TCTN1: variants seen among roughly 807,000 people sequenced by gnomAD.
The protein encoded by TCTN1 is tectonic-1.
Under a neutral mutation model 65.8 loss-of-function variants are expected in TCTN1, and 58 were observed. The ratio of observed to expected loss-of-function variants is 0.88; its 90% CI spans 0.71 to 1.10. The LOEUF (loss-of-function observed/expected upper bound fraction) is 1.10, where lower values mean the gene tolerates loss of function less well. Among genes scored for constraint, TCTN1 ranks in the 50% least tolerant of loss-of-function variants. The probability of loss-of-function intolerance (pLI) is 0.00; values close to 1 mark genes in which losing one functional copy is unlikely to be tolerated. For missense variants in TCTN1, 645 were observed against 719.4 expected, an observed-to-expected ratio of 0.90 and a Z score of 1.18; for synonymous variants, 273 against 289.1, an observed-to-expected ratio of 0.94 and a Z score of 0.57.
intron 4 of TCTN1, chr12:110,629,637 T>C (rs2066091560): frequency 6.6e-6 from 1 of 152,236 alleles, no homozygotes; most frequent in Non-Finnish European, 1.5e-5. Context: ...GCTTTTACAC[T>C]GTTGGGTGGG....
chr12:110,616,753 G>C (rs80175918), intron 1 of TCTN1: 1 of 152,512 alleles, frequency 6.6e-6, no homozygotes, highest in East Asian at 1.9e-4. Context: ...TTTAGGACAC[G>C]CAACTTGTAG....
At chr12:110,647,164 T>A (rs2067378966) in intron 12 of TCTN1, 32 bp from the exon 13 acceptor site, 2 of 1,614,000 alleles carry the variant, frequency 1.2e-6, no homozygotes. Context: ...AAGTCTGACT[T>A]GCAGTTTTGT....
intron 7 of TCTN1, among the ~76,000 whole-genome samples, chr12:110,638,859 C>T (rs910804419): frequency 6.6e-6 from 1 of 152,212 alleles, no homozygotes; most frequent in African/African-American, 2.4e-5. Context: ...TTGTGTTAAA[C>T]AAGAGCTAAT....
chr12:110,640,061 G>A lies in TCTN1; in HGVS notation c.844-322G>A, dbSNP rs2066846536. The stretch of plus-strand genomic sequence containing the variant: ...CTTTGTATTTATCCATTCATCAGTT[G>A]ATGGACATTTAGGTGGTTTTTGGTT... On this transcript the variant is annotated intron_variant, in intron 7 of 14. Transcript: ENST00000397659. This position sits in a 1 kb window ranked among gnomAD's most constrained non-coding sequence, Gnocchi z 4.9. 2.0e-5 allele frequency among the ~76,000 whole-genome samples: 3 copies of A among 152,212 alleles called. No homozygotes were observed. Among genetic ancestry groups the A allele is most frequent in the Non-Finnish European group, 4.4e-5 (3 of 68,032 alleles).
At chr12:110,642,436 C>G (rs1487014581) in intron 11 of TCTN1, 47 bp downstream of exon 11, 1 of 1,613,858 alleles carries the variant, frequency 6.2e-7, no homozygotes, top group South Asian at 1.1e-5. Context: ...GATCAGAAAA[C>G]AAAGCATTCT....
At chr12:110,620,045 A>C in intron 2 of TCTN1, 89 bp downstream of exon 2, 1 of 1,582,358 alleles carries the variant, frequency 6.3e-7, no homozygotes, top group African/African-American at 1.3e-5. Context: ...CAGGCTTAAA[A>C]ACCCAAACCT....
At chr12:110,645,609 T>C (rs1381619152) in intron 12 of TCTN1, 1 of 198,358 alleles carries the variant, frequency 5.0e-6, no homozygotes, top group Non-Finnish European at 1.0e-5. Flanking sequence ...CATTGTCCCC[T>C]GTTCTACACA....
Position 110,634,754 on chromosome 12 carries a change from T to G in TCTN1, c.797T>G (p.Phe266Cys), listed in dbSNP as rs749822902. The G allele has an allele frequency of 6.2e-7, 1 of 1,611,372 alleles. No homozygotes were observed. Among genetic ancestry groups the G allele is most frequent in the Non-Finnish European group, 8.5e-7 (1 of 1,178,670 alleles). The stretch of plus-strand genomic sequence containing the variant: ...GAAATTGAAGCCCTCAGCATGGCTT[T>G]TTACAGCAGCCCGGAAATTCTGAGG... ...CEEIEALSMA[F>C]YSSPEILRVP... is the part of the protein sequence containing the mutation. Residue 266 changes from phenylalanine (F) to cysteine (C), a missense_variant, in exon 6 of 15, where the codon TTT (phenylalanine) becomes TGT (cysteine). Transcript: ENST00000397659.
At chr12:110,628,540 C>T (rs1385734922) in intron 3 of TCTN1, among the ~76,000 whole-genome samples, 1 of 151,978 alleles carries the variant, frequency 6.6e-6, no homozygotes, top group Non-Finnish European at 1.5e-5. Flanking sequence ...AGGATTTCAC[C>T]GTGTTGGCCA....
intron 2 of TCTN1, among the ~76,000 whole-genome samples, chr12:110,621,980 A>G (rs996854838): frequency 6.6e-6 from 1 of 151,836 alleles, no homozygotes; most frequent in Non-Finnish European, 1.5e-5. Context: ...TCTACTAAAA[A>G]TACAAAAATC....
Position 110,619,862 on chromosome 12 carries a change from T to C in TCTN1, c.247T>C (p.Ser83Pro). Residue 83 changes from serine (S) to proline (P), a missense_variant, in exon 2 of 15, where the codon TCC becomes CCC. Ser to Pro is a moderately conservative substitution (Grantham distance 74). Transcript: ENST00000397659. ...DVAVLCVCDL[S>P]PAQCDINCCC... is the part of the protein sequence containing the mutation. ...TGCTGTTCTCTGTGTCTGTGACTTA[T>C]CCCCAGCACAGTGTGACATCAACTG... 6.2e-6 allele frequency: 10 copies of C among 1,614,196 alleles called. No individual in the cohort carries two copies. Among genetic ancestry groups the C allele is most frequent in the Non-Finnish European group, 7.6e-6 (9 of 1,180,042 alleles).
In TCTN1 at chr12:110,614,337, G is replaced by A. The variant is rs946063938; in HGVS notation, c.155G>A (p.Arg52Lys). 1.0e-5 allele frequency: 16 copies of A among 1,606,584 alleles called. No individual in the cohort carries two copies. The Admixed American group carries it at 2.5e-4, about 25-fold the overall frequency. The change falls in exon 1 of 15, where the codon AGG (arginine) becomes AAG (lysine). Residue 52 changes from arginine (R) to lysine (K), a missense_variant. Arg to Lys is a conservative substitution (Grantham distance 26). Transcript: ENST00000397659. ...ACCTTCGGAACTTTCCCGTCGACCA[G>A]GCCCCCCGGGACTCCCAGGGCTCCA... is the stretch of plus-strand genomic sequence containing the variant. ...LATFGTFPST[R>K]PPGTPRAPGP...
intron 9 of TCTN1, among the ~76,000 whole-genome samples, 185 bp from the exon 10 acceptor site, chr12:110,641,357 C>T (rs2066940464): frequency 6.6e-6 from 1 of 152,040 alleles, no homozygotes; most frequent in Admixed American, 6.5e-5. Context: ...TCCACATTAG[C>T]TTGTTCTTTT....
intron 1 of TCTN1, among the ~76,000 whole-genome samples, 182 bp from the exon 2 acceptor site, chr12:110,619,654 A>G (rs962636134): frequency 1.3e-5 from 2 of 152,142 alleles, no homozygotes; most frequent in African/African-American, 4.8e-5. Context: ...CTTTGGGGAA[A>G]CCTCTGATTG....
intron 1 of TCTN1, among the ~76,000 whole-genome samples, chr12:110,617,928 T>G (rs2065159327): frequency 1.3e-5 from 2 of 151,626 alleles, no homozygotes; most frequent in Non-Finnish European, 2.9e-5. Context: ...CTTGAGCCAC[T>G]GCATCCGGCC....
chr12:110,626,378 T>C lies in TCTN1; in HGVS notation c.358T>C (p.Cys120Arg). ...AATTTTCAGGGGCGACAGCCAGTTTTGTAGTCAAAAAGCAGTCATCTATTC... is the reference window on the plus strand; with the variant it reads ...AATTTTCAGGGGCGACAGCCAGTTTCGTAGTCAAAAAGCAGTCATCTATTC... The part of the protein sequence containing the change: ...VPVVTGDSQF[C>R]SQKAVIYSLN... Residue 120 changes from cysteine (C) to arginine (R), a missense_variant, in exon 3 of 15, where the codon TGT becomes CGT. Transcript: ENST00000397659. 1 of 1,589,820 alleles carries C rather than the reference T, an allele frequency of 6.3e-7. No homozygotes were observed. The highest frequency in any genetic ancestry group is 8.6e-7 in the Non-Finnish European group (1 of 1,165,386).
At chr12:110,614,828 G>T (rs2064924452) in intron 1 of TCTN1, among the ~76,000 whole-genome samples, 1 of 152,156 alleles carries the variant, frequency 6.6e-6, no homozygotes, top group South Asian at 2.1e-4. Context: ...CTTCTCTGTT[G>T]ACCTGAATTC....
At position 110,648,629 on chromosome 12, in the gene TCTN1, C is replaced by A. The variant is rs1443933621; in HGVS notation, c.*2-414C>A. 13 of 174,852 alleles carry A rather than the reference C, an allele frequency of 7.4e-5. No homozygotes were observed. The Admixed American group carries it at 8.2e-4, about 11-fold the overall frequency. The allele number at this position is 174,852 out of a possible 1,614,324, so 10.8% of individuals were successfully genotyped here. A position where few individuals can be genotyped will look rare whatever the true frequency, so the allele number is the denominator to read the frequency against. ...AAATCATGCGAGAAGAGCACACAGC[C>A]CTTACAAGGGGATCTTCCCCCAAAT... On this transcript the variant is annotated intron_variant, in intron 14 of 14. Transcript: ENST00000397659.
At chr12:110,627,913 C>T (rs921628730) in intron 3 of TCTN1, 17 of 898,806 alleles carry the variant, frequency 1.9e-5, no homozygotes, top group Non-Finnish European at 2.7e-5. Flanking sequence ...GTTTTGTTCT[C>T]TTGTGATTGA....
Sources: allele counts gnomAD v4.1 joint callset (sites outside exome capture counted in the v4.1 genomes callset), GRCh38; gene constraint gnomAD v4.1.1; non-coding constraint Gnocchi (gnomAD v3.1); transcripts MANE v1.5; gene names NCBI Gene and HGNC (gene_info 2026-07-23, HGNC 2026-07-21).